PTPRT: variants seen among roughly 807,000 people sequenced by gnomAD.
The protein encoded by PTPRT is receptor-type tyrosine-protein phosphatase T.
Under a neutral mutation model 176.8 loss-of-function variants are expected in PTPRT, and 56 were observed. The observed-to-expected ratio is 0.32, with a 90% CI of 0.26 to 0.40. The LOEUF (loss-of-function observed/expected upper bound fraction) is 0.40. Ranked by LOEUF, PTPRT falls within the 10% of genes least tolerant of loss-of-function variation. The pLI is 1.00. For synonymous variants in PTPRT, 783 were observed against 739.0 expected (o/e 1.06, Z -0.96); for missense variants, 1,540 against 1,908.2 (o/e 0.81, Z 3.60).
intron 7 of PTPRT, among the ~76,000 whole-genome samples, chr20:42,511,193 C>T (rs895451094): frequency 2.6e-5 from 4 of 152,196 alleles, no homozygotes; most frequent in African/African-American, 4.8e-5. Flanking sequence ...GAACCTCAGA[C>T]TTCCCAGTCT....
At chr20:42,298,160 A>C (rs2057415048) in intron 12 of PTPRT, among the ~76,000 whole-genome samples, 1 of 152,230 alleles carries the variant, frequency 6.6e-6, no homozygotes, top group Non-Finnish European at 1.5e-5. Context: ...AATTGATAGA[A>C]AAAGTAAAAA....
rs915511549 is a variant in PTPRT, at chr20:42,526,956, C to CTTTTTTTTTT, written c.1154-54404_1154-54395dup. On this transcript the variant is annotated intron_variant, in intron 7 of 30. Transcript: ENST00000373187. ...GAGACTGACTTCTTGGTTCTTTTTT[C>CTTTTTTTTTT]TTTTTTTTTTTTTTTTTTTTTTTTT... Among the ~76,000 whole-genome samples, 61 of 78,716 alleles carry CTTTTTTTTTT rather than the reference C, an allele frequency of 7.7e-4. 2 individuals carry two copies. The highest frequency in any genetic ancestry group is 2.3e-3 in the African/African-American group (48 of 20,522). 51.6% of individuals were successfully genotyped at this position (78,716 alleles called of 152,430 possible). A position where few individuals can be genotyped will look rare whatever the true frequency, so the allele number is the denominator to read the frequency against.
intron 9 of PTPRT, among the ~76,000 whole-genome samples, chr20:42,414,601 G>C (rs994522807): frequency 6.6e-6 from 1 of 152,132 alleles, no homozygotes; most frequent in African/African-American, 2.4e-5. Context: ...ACAATAAACA[G>C]AAAATGCAAA....
intron 1 of PTPRT, among the ~76,000 whole-genome samples, chr20:43,025,611 C>T (rs2146186472): frequency 6.6e-6 from 1 of 152,296 alleles, no homozygotes; most frequent in South Asian, 2.1e-4. Flanking sequence ...TCCTACCTTT[C>T]AGAATAATTC....
At chr20:42,616,795 T>C (rs1223826817) in intron 7 of PTPRT, among the ~76,000 whole-genome samples, 1 of 136,578 alleles carries the variant, frequency 7.3e-6, no homozygotes, top group Admixed American at 7.0e-5. Flanking sequence ...TTTTGTATCC[T>C]GAGAATTTGC....
At chr20:42,854,308 T>C (rs1329891781) in intron 2 of PTPRT, among the ~76,000 whole-genome samples, 1 of 152,214 alleles carries the variant, frequency 6.6e-6, no homozygotes, top group Non-Finnish European at 1.5e-5. Flanking sequence ...AGGAACTCTA[T>C]CCTTGAAGCA....
intron 1 of PTPRT, among the ~76,000 whole-genome samples, chr20:43,093,272 T>C (rs1455022982): frequency 4.6e-5 from 7 of 152,206 alleles, no homozygotes; most frequent in Non-Finnish European, 1.0e-4. Flanking sequence ...ACAAATCTCT[T>C]TTCAGGTATC....
intron 1 of PTPRT, among the ~76,000 whole-genome samples, chr20:43,081,095 T>C (rs532606614): frequency 6.6e-6 from 1 of 152,344 alleles, no homozygotes; most frequent in African/African-American, 2.4e-5. Flanking sequence ...TTGTCTTCTT[T>C]GGTACTATCC....
At position 42,540,758 on chromosome 20, in the gene PTPRT, T is replaced by C. The variant is rs1208681057; in HGVS notation, c.1154-68196A>G. ...GTTGTGCAGGAAGGGAAAATAATCA[T>C]AATTTACTGCATGGTTCAGTTTTGA... is the stretch of plus-strand genomic sequence containing the variant. On this transcript the variant is annotated intron_variant, in intron 7 of 30. Transcript: ENST00000373187. Among the ~76,000 whole-genome samples, 5 of 152,168 alleles carry C rather than the reference T, an allele frequency of 3.3e-5. No homozygotes were observed. In the East Asian group the frequency reaches 7.7e-4, roughly 23 times the overall value.
chr20:42,542,844 T>C (rs1198546769), intron 7 of PTPRT, among the ~76,000 whole-genome samples: 6 of 152,200 alleles, frequency 3.9e-5, no homozygotes, highest in Non-Finnish European at 8.8e-5. Context: ...TTCCAAGATA[T>C]ATTGAGCAGT....
At chr20:42,744,677 G>C (rs1298011177) in intron 6 of PTPRT, among the ~76,000 whole-genome samples, 1 of 152,152 alleles carries the variant, frequency 6.6e-6, no homozygotes, top group African/African-American at 2.4e-5. Flanking sequence ...TAACAGGCCT[G>C]CTTAGCAGAC....
chr20:42,212,416 CAAAA>C (rs34652089), intron 15 of PTPRT, among the ~76,000 whole-genome samples: 101 of 90,584 alleles, frequency 1.1e-3, no homozygotes, highest in African/African-American at 3.5e-3. Flanking sequence ...TCTTTTTTCT[CAAAA>C]AAAAAAAAAA....
At chr20:42,820,971 C>T (rs1172671995) in intron 2 of PTPRT, among the ~76,000 whole-genome samples, 2 of 152,096 alleles carry the variant, frequency 1.3e-5, no homozygotes, top group African/African-American at 4.8e-5. Flanking sequence ...CACAGCTGAA[C>T]TCTACCTGAA....
intron 21 of PTPRT, chr20:42,116,244 A>G: frequency 1.6e-6 from 1 of 608,704 alleles, no homozygotes; most frequent in Non-Finnish European, 2.9e-6. Context: ...TGCTAGTGCT[A>G]ATGTGTTTTG....
intron 9 of PTPRT, among the ~76,000 whole-genome samples, chr20:42,353,753 A>C (rs528547031): frequency 6.6e-6 from 1 of 152,340 alleles, no homozygotes; most frequent in African/African-American, 2.4e-5. Flanking sequence ...TGTTCCATTA[A>C]AAATATTTAA....
At position 43,068,230 on chromosome 20, in the gene PTPRT, C is replaced by T. The variant is rs548684257; in HGVS notation, c.88+121416G>A. Among the ~76,000 whole-genome samples the T allele has an allele frequency of 1.3e-4, 20 of 148,614 alleles. No homozygotes were observed. In the South Asian group the frequency reaches 3.7e-3, roughly 28 times the overall value. ...TTTTTAAAACGAATTAGGGGCCAGG[C>T]GCAGTGGCTCATGCCTGTAATCCCA... is the stretch of plus-strand genomic sequence containing the variant. On this transcript the variant is annotated intron_variant, in intron 1 of 30. Coordinates refer to ENST00000373187, the MANE Select transcript of PTPRT (RefSeq NM_007050.6).
chr20:42,920,238 A>G lies in PTPRT; in HGVS notation c.89-34306T>C, dbSNP rs556993361. 7.4e-4 allele frequency among the ~76,000 whole-genome samples: 112 copies of G among 152,366 alleles called. No homozygotes were observed. The Middle Eastern group carries it at 0.014, about 19-fold the overall frequency. On this transcript the variant is annotated intron_variant, in intron 1 of 30. Coordinates refer to ENST00000373187, the MANE Select transcript of PTPRT (RefSeq NM_007050.6). ...ATTACCCAGCATGAACTATTAATAT[A>G]CGCAACAAGATGAATGAATCTCATA...
intron 1 of PTPRT, among the ~76,000 whole-genome samples, chr20:43,045,455 A>ATTTTTT (rs143406929): frequency 1.3e-4 from 16 of 127,242 alleles, no homozygotes; most frequent in Admixed American, 4.3e-4. Context: ...TCTTTTTTTC[A>ATTTTTT]TTTTTTTTTT....
At chr20:42,311,846 T>C (rs1472955792) in intron 12 of PTPRT, among the ~76,000 whole-genome samples, 2 of 152,194 alleles carry the variant, frequency 1.3e-5, no homozygotes, top group Non-Finnish European at 2.9e-5. Flanking sequence ...GAGAGCTGAC[T>C]TTGTTTAAAA....
Sources: allele counts gnomAD v4.1 joint callset (sites outside exome capture counted in the v4.1 genomes callset), GRCh38; gene constraint gnomAD v4.1.1; transcripts MANE v1.5; gene names NCBI Gene and HGNC (gene_info 2026-07-23, HGNC 2026-07-21).